Variants in PPP2R2B observed in about 807,000 individuals in gnomAD.
PPP2R2B encodes the protein serine/threonine-protein phosphatase 2A 55 kDa regulatory subunit B beta isoform.
Under a neutral mutation model 46.0 loss-of-function variants are expected in PPP2R2B, and 5 were observed. That is an observed-to-expected ratio of 0.11 (90% CI 0.06 to 0.23). The LOEUF (loss-of-function observed/expected upper bound fraction) is 0.23. PPP2R2B is among the 10% of genes least tolerant of loss of function. The pLI is 1.00. For missense variants in PPP2R2B, 367 were observed against 575.0 expected, an observed-to-expected ratio of 0.64 and a Z score of 3.70; for synonymous variants, 215 against 206.7, an observed-to-expected ratio of 1.04 and a Z score of -0.34.
chr5:146,704,483 A>G (rs1779716447), intron 2 of PPP2R2B, among the ~76,000 whole-genome samples: 1 of 152,258 alleles, frequency 6.6e-6, no homozygotes, highest in Non-Finnish European at 1.5e-5. Context: ...GCTGTTGATC[A>G]AGAAACTACA....
chr5:146,715,393 GCA>G (rs1181383159), intron 2 of PPP2R2B, among the ~76,000 whole-genome samples: 1 of 152,256 alleles, frequency 6.6e-6, no homozygotes, highest in East Asian at 1.9e-4. Context: ...CACCAGCACT[GCA>G]CAGTTTAGAA....
chr5:146,839,558 A>G (rs1759502354), intron 2 of PPP2R2B, among the ~76,000 whole-genome samples: 1 of 152,226 alleles, frequency 6.6e-6, no homozygotes, highest in Non-Finnish European at 1.5e-5. Context: ...CCAAAAAATT[A>G]AAAATCATGT....
chr5:147,076,501 T>C (rs1254355488), intron 2 of PPP2R2B, among the ~76,000 whole-genome samples: 2 of 152,174 alleles, frequency 1.3e-5, no homozygotes, highest in East Asian at 3.8e-4. Flanking sequence ...TTTTCTGATT[T>C]TTATTGGTTA....
chr5:146,976,106 AATTTATT>A (rs1752889473), intron 1 of PPP2R2B, among the ~76,000 whole-genome samples: 1 of 123,360 alleles, frequency 8.1e-6, no homozygotes, highest in African/African-American at 3.1e-5. Context: ...TTTTTTAAAA[AATTTATT>A]ATTATTATTA....
At chr5:146,857,080 G>A (rs904777821) in intron 2 of PPP2R2B, among the ~76,000 whole-genome samples, 1 of 152,142 alleles carries the variant, frequency 6.6e-6, no homozygotes, top group Non-Finnish European at 1.5e-5. Context: ...GCCAAAGTAG[G>A]GTCCTGTGGA....
At chr5:146,608,655 C>T (rs1403146583) in intron 7 of PPP2R2B, among the ~76,000 whole-genome samples, 3 of 152,090 alleles carry the variant, frequency 2.0e-5, no homozygotes, top group African/African-American at 7.2e-5. Context: ...ATTAGCTGGG[C>T]ATAGTGGCGC....
intron 2 of PPP2R2B, among the ~76,000 whole-genome samples, chr5:146,812,096 C>T (rs1294576346): frequency 6.6e-6 from 1 of 152,018 alleles, no homozygotes; most frequent in Non-Finnish European, 1.5e-5. Context: ...TAACTTTGGA[C>T]TTTTGTCACT....
chr5:146,702,110 G>A (rs553110168), intron 2 of PPP2R2B, among the ~76,000 whole-genome samples: 58 of 151,194 alleles, frequency 3.8e-4, no homozygotes, highest in Non-Finnish European at 7.7e-4. Flanking sequence ...CCTTTGACAG[G>A]AACATTCTGA....
At position 146,878,216 on chromosome 5, in the gene PPP2R2B, C is replaced by A; in HGVS notation, c.-124-21G>T. On this transcript the variant is annotated intron_variant, in intron 1 of 9. Transcript: ENST00000394411. This position sits in a 1 kb window ranked among gnomAD's most constrained non-coding sequence, Gnocchi z 4.5. ...CGAGCCTGAGGAGGAGACGGGGAGG[C>A]GGAGAGAAAAAAAATAAAAACCCGG... The A allele has an allele frequency of 6.5e-7, 1 of 1,540,586 alleles. No individual in the cohort carries two copies.
At chr5:146,625,182 G>T (rs1444558077) in intron 7 of PPP2R2B, among the ~76,000 whole-genome samples, 1 of 152,118 alleles carries the variant, frequency 6.6e-6, no homozygotes, top group African/African-American at 2.4e-5. Flanking sequence ...TTTCCAATTT[G>T]TAAAAATATT....
At position 147,080,962 on chromosome 5, in the gene PPP2R2B, G is replaced by A. The variant is rs1757952887; in HGVS notation, c.50+97C>T. On this transcript the variant is annotated intron_variant, in intron 2 of 10. Coordinates refer to the PPP2R2B transcript ENST00000394413. ...AGAATGCAATTTTGGGGTGTGTGGG[G>A]ACTTAGATTCATGAAAGTAAAGATG... 5 of 1,162,990 alleles carry A rather than the reference G, an allele frequency of 4.3e-6. No individual in the cohort carries two copies. The East Asian group carries it at 1.3e-4, about 30-fold the overall frequency. The allele number at this position is 1,162,990 out of a possible 1,614,324, so 72.0% of individuals were successfully genotyped here.
chr5:146,703,258 G>T (rs188695762), intron 2 of PPP2R2B, among the ~76,000 whole-genome samples: 2 of 152,224 alleles, frequency 1.3e-5, no homozygotes, highest in African/African-American at 4.8e-5. Flanking sequence ...TTTTGTCTTT[G>T]GTCAGGTACA....
intron 2 of PPP2R2B, among the ~76,000 whole-genome samples, chr5:146,730,496 G>A (rs1752160510): frequency 6.6e-6 from 1 of 152,082 alleles, no homozygotes; most frequent in Non-Finnish European, 1.5e-5. Context: ...ATATGGTTTG[G>A]CTGTGTCCCC....
chr5:146,642,256 A>G (rs535156974), intron 6 of PPP2R2B, among the ~76,000 whole-genome samples: 1 of 152,222 alleles, frequency 6.6e-6, no homozygotes, highest in Admixed American at 6.5e-5. Context: ...AATTGAAGAC[A>G]CCAGGAGGTC....
chr5:146,888,749 A>G (rs1356445219), intron 1 of PPP2R2B, among the ~76,000 whole-genome samples: 1 of 152,138 alleles, frequency 6.6e-6, no homozygotes, highest in Non-Finnish European at 1.5e-5. Flanking sequence ...TAGACATGGA[A>G]GGAAGACAGG....
chr5:146,949,925 T>C (rs1764599112), intron 1 of PPP2R2B, among the ~76,000 whole-genome samples: 1 of 151,760 alleles, frequency 6.6e-6, no homozygotes, highest in South Asian at 2.1e-4. Context: ...GACAAACAAT[T>C]GAACTCATGG....
rs34269274 is a variant in PPP2R2B, at chr5:146,832,379, C to CTTTTTTTTTTT, written c.70+45612_70+45622dup. Among the ~76,000 whole-genome samples the CTTTTTTTTTTT allele has an allele frequency of 7.1e-5, 5 of 70,190 alleles. 1 individual carries two copies. Among genetic ancestry groups the CTTTTTTTTTTT allele is most frequent in the Admixed American group, 4.2e-4 (2 of 4,716 alleles). The allele number at this position is 70,190 out of a possible 152,430, so 46.0% of individuals were successfully genotyped here. A position where few individuals can be genotyped will look rare whatever the true frequency, so the allele number is the denominator to read the frequency against. On this transcript the variant is annotated intron_variant, in intron 2 of 9. Coordinates refer to ENST00000394411, the MANE Select transcript of PPP2R2B (RefSeq NM_181675.4). The stretch of plus-strand genomic sequence containing the variant: ...CACAAGTAAGTGTGCCATTTTTAAT[C>CTTTTTTTTTTT]TTTTTTTTTTTTTTTTTTTTTTTTT...
At chr5:146,646,183 A>G (rs558225991) in intron 6 of PPP2R2B, among the ~76,000 whole-genome samples, 1 of 152,174 alleles carries the variant, frequency 6.6e-6, no homozygotes, top group Non-Finnish European at 1.5e-5. Flanking sequence ...GCCTGGCACA[A>G]ACTAGGTGCT....
chr5:147,059,859 T>G (rs928512943), upstream of PPP2R2B, among the ~76,000 whole-genome samples: 1 of 152,154 alleles, frequency 6.6e-6, no homozygotes, highest in African/African-American at 2.4e-5. Flanking sequence ...CCAATAGACT[T>G]GGAGTCTCCT....
Sources: gnomAD v4.1 joint callset for allele counts (sites outside exome capture counted in the v4.1 genomes callset) on GRCh38, gnomAD v4.1.1 for gene constraint, Gnocchi (gnomAD v3.1) non-coding constraint, MANE v1.5 for transcripts, NCBI Gene and HGNC (gene_info 2026-07-23, HGNC 2026-07-21) for gene names.